The following EGFLAM variants were observed in gnomAD, a reference collection of about 807,000 sequenced individuals.
The protein encoded by EGFLAM is pikachurin.
A neutral mutation model predicts 113.1 loss-of-function variants in EGFLAM; 79 were observed. The observed-to-expected ratio is 0.70, with a 90% CI of 0.58 to 0.84. The LOEUF (loss-of-function observed/expected upper bound fraction) is 0.84. Ranked by LOEUF, EGFLAM falls within the 40% of genes least tolerant of loss-of-function variation. The probability of loss-of-function intolerance (pLI) is 0.00; values close to 1 mark genes in which losing one functional copy is unlikely to be tolerated. For missense variants in EGFLAM, 1,265 were observed against 1,291.6 expected (o/e 0.98, Z 0.32); for synonymous variants, 504 against 487.6 (o/e 1.03, Z -0.44).
intron 20 of EGFLAM, among the ~76,000 whole-genome samples, chr5:38,459,639 A>G (rs1467083331): frequency 2.0e-5 from 3 of 152,192 alleles, no homozygotes; most frequent in Non-Finnish European, 4.4e-5. Flanking sequence ...TGGGGAAGCC[A>G]GTGGGTAAAG....
intron 1 of EGFLAM, among the ~76,000 whole-genome samples, chr5:38,330,144 T>C (rs1292420451): frequency 6.6e-6 from 1 of 152,182 alleles, no homozygotes; most frequent in East Asian, 1.9e-4. Context: ...CTAGATGCCA[T>C]TACTATAATG....
Position 38,463,890 on chromosome 5 carries a change from C to G in EGFLAM, c.2934C>G (p.Gly978=), listed in dbSNP as rs1561111033. 6.2e-7 allele frequency: 1 copy of G among 1,614,230 alleles called. No individual in the cohort carries two copies. Among genetic ancestry groups the G allele is most frequent in the African/African-American group, 1.3e-5 (1 of 75,060 alleles). ...GGCAATATATGAGAGGGCTCGTGGG[C>G]TGTATCTCTCACTTCACCCTGTCCA... The part of the protein sequence containing the change: ...TNRQYMRGLV[G]CISHFTLSTD... The change falls in exon 22 of 22, where the codon GGC becomes GGG. Residue 978 remains glycine, a synonymous_variant. Coordinates refer to ENST00000322350, the MANE Select transcript of EGFLAM (RefSeq NM_152403.4).
At chr5:38,416,874 C>T (rs1329016115) in intron 11 of EGFLAM, among the ~76,000 whole-genome samples, 1 of 152,172 alleles carries the variant, frequency 6.6e-6, no homozygotes, top group Non-Finnish European at 1.5e-5. Context: ...TGATTCTTAT[C>T]TCTTCATCAG....
Position 38,455,808 on chromosome 5 carries a change from G to C in EGFLAM, c.2688-2503G>C, listed in dbSNP as rs551043091. On this transcript the variant is annotated intron_variant, in intron 19 of 21. Transcript: ENST00000322350. ...AGCTCTTGGCCTGAACAGGAGAGTT[G>C]TCGGGCTGCAGAACAGAAGGAAGGG... is the stretch of plus-strand genomic sequence containing the variant. 7.9e-5 allele frequency among the ~76,000 whole-genome samples: 12 copies of C among 152,302 alleles called. 1 individual carries two copies. In the South Asian group the frequency reaches 2.1e-3, roughly 26 times the overall value.
chr5:38,382,127 A>G (rs1442252282), intron 6 of EGFLAM, among the ~76,000 whole-genome samples: 1 of 152,234 alleles, frequency 6.6e-6, no homozygotes, highest in Non-Finnish European at 1.5e-5. Flanking sequence ...AAATTCAGGC[A>G]ACATAAAAAA....
chr5:38,413,862 C>T (rs190248985), intron 11 of EGFLAM, among the ~76,000 whole-genome samples: 2 of 152,332 alleles, frequency 1.3e-5, no homozygotes, highest in East Asian at 3.9e-4. Flanking sequence ...CCATCTCAGA[C>T]CATCAGGCAT....
At chr5:38,436,615 C>A (rs986834886) in intron 16 of EGFLAM, among the ~76,000 whole-genome samples, 1 of 152,148 alleles carries the variant, frequency 6.6e-6, no homozygotes, top group Non-Finnish European at 1.5e-5. Flanking sequence ...GATGCTAAGA[C>A]GTTTCCCATC....
chr5:38,349,766 T>TACACACAC (rs748306970), intron 3 of EGFLAM, among the ~76,000 whole-genome samples: 3 of 107,682 alleles, frequency 2.8e-5, no homozygotes, highest in African/African-American at 8.4e-5. Flanking sequence ...GCAGGGGAAG[T>TACACACAC]ACACACGCAC....
At chr5:38,384,275 G>A (rs1579849631) in intron 6 of EGFLAM, among the ~76,000 whole-genome samples, 3 of 152,114 alleles carry the variant, frequency 2.0e-5, no homozygotes, top group East Asian at 1.9e-4. Context: ...TTCGGATAAG[G>A]AACTGACACC....
At chr5:38,404,068 T>A (rs529655608) in intron 6 of EGFLAM, among the ~76,000 whole-genome samples, 47 of 152,270 alleles carry the variant, frequency 3.1e-4, no homozygotes, top group African/African-American at 1.0e-3. Flanking sequence ...CTGGGTCATC[T>A]GCATCATCTG....
At chr5:38,273,802 G>A (rs1757822050) in intron 1 of EGFLAM, among the ~76,000 whole-genome samples, 2 of 152,170 alleles carry the variant, frequency 1.3e-5, no homozygotes. Context: ...ATTGACACAT[G>A]ACCAAAATGA....
rs140240157 is a variant in EGFLAM at position 38,409,046 on chromosome 5, G to A, written c.1291G>A (p.Glu431Lys). 1.9e-4 allele frequency: 300 copies of A among 1,595,256 alleles called. 1 individual carries two copies. The African/African-American group carries it at 3.5e-3, about 18-fold the overall frequency. ...DGLLLYCGEN[E>K]HGRGDFMSLA... ...CTTACTGCTCTACTGTGGGGAGAAC[G>A]AACACGGGAGGGGGGATTTCATGTC... The change falls in exon 10 of 22, where the codon GAA becomes AAA. Residue 431 changes from glutamate to lysine, a missense_variant. Transcript: ENST00000322350.
chr5:38,355,802 C>A (rs2111997169), intron 5 of EGFLAM, among the ~76,000 whole-genome samples: 1 of 152,258 alleles, frequency 6.6e-6, no homozygotes, highest in Middle Eastern at 3.4e-3. Context: ...CTCTTGTTGC[C>A]CAGGCTGGAG....
chr5:38,319,378 T>G (rs1389207006), intron 1 of EGFLAM, among the ~76,000 whole-genome samples: 1 of 152,202 alleles, frequency 6.6e-6, no homozygotes, highest in Non-Finnish European at 1.5e-5. Context: ...CTGGATACAG[T>G]CACAGCAGTA....
At chr5:38,450,496 C>T (rs1391869707) in intron 18 of EGFLAM, among the ~76,000 whole-genome samples, 2 of 152,172 alleles carry the variant, frequency 1.3e-5, no homozygotes, top group African/African-American at 4.8e-5. Context: ...AGAGAATGGA[C>T]AAAGAAACTT....
At position 38,341,415 on chromosome 5, in the gene EGFLAM, C is replaced by G. The variant is rs142166251; in HGVS notation, c.291+2634C>G. The stretch of plus-strand genomic sequence containing the variant: ...ATCAGCTCTTGTGAGAACTCACTCA[C>G]TATCACGAGAACAGCATGGGATAAA... On this transcript the variant is annotated intron_variant, in intron 3 of 21. Transcript: ENST00000322350. Among the ~76,000 whole-genome samples, 393 of 152,320 alleles carry G rather than the reference C, an allele frequency of 2.6e-3. 1 individual carries two copies. The highest frequency in any genetic ancestry group is 4.4e-3 in the Non-Finnish European group (302 of 68,026).
rs371416620 is a variant in EGFLAM at position 38,463,016 on chromosome 5, G to A, written c.2875+5G>A. On this transcript the variant is annotated splice_donor_5th_base_variant and intron_variant, in intron 21 of 21. Coordinates refer to ENST00000322350, the MANE Select transcript of EGFLAM (RefSeq NM_152403.4). ...TCAATGGAGCTCTGTATGTGGGTAA[G>A]TGACCGACCCTCGACCAAAGCAAAA... 1.5e-4 allele frequency: 246 copies of A among 1,611,836 alleles called. No homozygotes were observed. The highest frequency in any genetic ancestry group is 3.3e-4 in the Admixed American group (20 of 59,900).
intron 6 of EGFLAM, among the ~76,000 whole-genome samples, chr5:38,377,265 G>A (rs1579840588): frequency 1.3e-5 from 2 of 151,932 alleles, no homozygotes; most frequent in South Asian, 4.2e-4. Context: ...AGCCTCCCGA[G>A]TAGCTGGGAT....
At chr5:38,276,503 T>G (rs1194689771) in intron 1 of EGFLAM, among the ~76,000 whole-genome samples, 1 of 152,076 alleles carries the variant, frequency 6.6e-6, no homozygotes, top group African/African-American at 2.4e-5. Context: ...AATCTAAAAT[T>G]GTACCTCAAG....
Sources: gnomAD v4.1 joint callset for allele counts (sites outside exome capture counted in the v4.1 genomes callset) on GRCh38, gnomAD v4.1.1 for gene constraint, MANE v1.5 for transcripts, NCBI Gene and HGNC (gene_info 2026-07-23, HGNC 2026-07-21) for gene names.